USP47: variants seen among roughly 807,000 people sequenced by gnomAD.
USP47 encodes ubiquitin carboxyl-terminal hydrolase 47.
USP47 carries 35 observed loss-of-function variants against 165.1 expected under a neutral mutation model. That is an observed-to-expected ratio of 0.21 (90% CI 0.16 to 0.28). The LOEUF is 0.28. USP47 is among the 10% of genes least tolerant of loss of function. The probability of loss-of-function intolerance (pLI) is 1.00; values close to 1 mark genes in which losing one functional copy is unlikely to be tolerated. For missense variants in USP47, 1,277 were observed against 1,607.4 expected, an observed-to-expected ratio of 0.79 and a Z score of 3.52; for synonymous variants, 531 against 544.5, an observed-to-expected ratio of 0.98 and a Z score of 0.35.
chr11:11,890,242 AC>A (rs1851427110), intron 3 of USP47, among the ~76,000 whole-genome samples: 1 of 152,232 alleles, frequency 6.6e-6, no homozygotes, highest in South Asian at 2.1e-4. Context: ...AGCAAAAGAA[AC>A]TATCATCAGA....
chr11:11,934,440 C>T (rs543525833), intron 16 of USP47, among the ~76,000 whole-genome samples: 63 of 152,168 alleles, frequency 4.1e-4, no homozygotes, highest in African/African-American at 1.4e-3. Flanking sequence ...TATTTTGAAA[C>T]TTTAACCATG....
At position 11,884,918 on chromosome 11, in the gene USP47, T is replaced by C. The variant is rs188595650; in HGVS notation, c.357+338T>C. On this transcript the variant is annotated intron_variant, in intron 3 of 27. Transcript: ENST00000527733. The stretch of plus-strand genomic sequence containing the variant: ...TTTCAGTAGTGACCCTTCCTTTGTT[T>C]AAGCATTTGCTTGGTTGCTGTAAAT... 2.7e-3 allele frequency among the ~76,000 whole-genome samples: 404 copies of C among 152,318 alleles called. 3 individuals are homozygous for C. Among genetic ancestry groups the C allele is most frequent in the African/African-American group, 9.1e-3 (377 of 41,566 alleles).
rs923371231 is a variant in USP47 at position 11,929,686 on chromosome 11, C to T, written c.1518+121C>T. 3.7e-6 allele frequency: 5 copies of T among 1,356,290 alleles called. No homozygotes were observed. In the Admixed American group the frequency reaches 1.2e-4, roughly 33 times the overall value. The allele number at this position is 1,356,290 out of a possible 1,614,324, so 84.0% of individuals were successfully genotyped here. The stretch of plus-strand genomic sequence containing the variant: ...TAGTGATACATCTTAAGACCCATAT[C>T]AAATCTGTCTTTAATTTTTGCTTTT... On this transcript the variant is annotated intron_variant, in intron 12 of 27. Transcript: ENST00000527733.
intron 25 of USP47, among the ~76,000 whole-genome samples, chr11:11,953,348 T>G (rs1264447560): frequency 1.3e-5 from 2 of 152,194 alleles, no homozygotes; most frequent in Non-Finnish European, 2.9e-5. Context: ...GAAAAAGATT[T>G]ATTTCCATAC....
At chr11:11,846,006 C>CT (rs1848407507) in intron 1 of USP47, among the ~76,000 whole-genome samples, 1 of 152,076 alleles carries the variant, frequency 6.6e-6, no homozygotes, top group African/African-American at 2.4e-5. Context: ...TTCCTCAGTT[C>CT]TTTAACTGTT....
At chr11:11,917,926 A>G (rs756206679) in intron 8 of USP47, among the ~76,000 whole-genome samples, 1 of 152,188 alleles carries the variant, frequency 6.6e-6, no homozygotes, top group East Asian at 1.9e-4. Flanking sequence ...TGATTTAGGC[A>G]GGAATCTGTA....
At chr11:11,842,361 G>A (rs1038727386) in intron 1 of USP47, 137 bp downstream of exon 1, 8 of 1,000,420 alleles carry the variant, frequency 8.0e-6, no homozygotes, top group Admixed American at 2.9e-5. Flanking sequence ...GAGGCAGTCG[G>A]GGGTGGACGG....
intron 25 of USP47, among the ~76,000 whole-genome samples, chr11:11,953,406 TAAA>T (rs1000276223): frequency 2.4e-4 from 37 of 151,866 alleles, no homozygotes; most frequent in African/African-American, 8.7e-4. Flanking sequence ...AGTTTATATA[TAAA>T]AAAAGTAAAT....
chr11:11,933,710 G>A (rs1260377887), intron 15 of USP47, 121 bp from the exon 16 acceptor site: 24 of 637,108 alleles, frequency 3.8e-5, no homozygotes, highest in Non-Finnish European at 5.4e-6. Context: ...AGATAGAAGA[G>A]TGATCTCAAT....
chr11:11,937,072 G>C (rs1048086421), intron 17 of USP47, among the ~76,000 whole-genome samples: 4 of 151,622 alleles, frequency 2.6e-5, no homozygotes, highest in Non-Finnish European at 5.9e-5. Context: ...TCAGCACATT[G>C]AGTTTGTTAT....
At chr11:11,909,968 T>G (rs1351157179) in intron 8 of USP47, among the ~76,000 whole-genome samples, 1 of 152,168 alleles carries the variant, frequency 6.6e-6, no homozygotes, top group Non-Finnish European at 1.5e-5. Flanking sequence ...CAGAACTCAT[T>G]TGGGTGAAGC....
chr11:11,926,871 A>G (rs1451471002), intron 11 of USP47, among the ~76,000 whole-genome samples: 2 of 148,828 alleles, frequency 1.3e-5, no homozygotes, highest in South Asian at 2.1e-4. Context: ...GTTTCATTGC[A>G]TAAGTTTTGG....
At chr11:11,860,754 T>C in intron 1 of USP47, among the ~76,000 whole-genome samples, 1 of 152,182 alleles carries the variant, frequency 6.6e-6, no homozygotes, top group Non-Finnish European at 1.5e-5. Flanking sequence ...AAGGACGTAT[T>C]ATTTCGCCTC....
chr11:11,937,992 A>C (rs928022088), intron 17 of USP47, among the ~76,000 whole-genome samples: 2 of 151,988 alleles, frequency 1.3e-5, no homozygotes, highest in Admixed American at 6.6e-5. Flanking sequence ...CTTGGGATAT[A>C]GGAAATATTA....
chr11:11,881,169 C>A (rs1378848051), intron 2 of USP47, among the ~76,000 whole-genome samples: 1 of 152,066 alleles, frequency 6.6e-6, no homozygotes, highest in Non-Finnish European at 1.5e-5. Context: ...ATTAAACTTA[C>A]CATATTCAGT....
chr11:11,936,798 G>C (rs1855105088), intron 17 of USP47, among the ~76,000 whole-genome samples: 1 of 151,842 alleles, frequency 6.6e-6, no homozygotes, highest in Admixed American at 6.6e-5. Context: ...AATCATTCTG[G>C]ATGCTGTCAA....
At chr11:11,864,173 A>C (rs1220798150) in intron 1 of USP47, among the ~76,000 whole-genome samples, 1 of 152,020 alleles carries the variant, frequency 6.6e-6, no homozygotes, top group Non-Finnish European at 1.5e-5. Context: ...CAGTTAAAAA[A>C]ATTTTTTTGT....
At chr11:11,847,857 T>C (rs1050207669) in intron 1 of USP47, among the ~76,000 whole-genome samples, 1 of 152,216 alleles carries the variant, frequency 6.6e-6, no homozygotes, top group Non-Finnish European at 1.5e-5. Flanking sequence ...TACCCTCTGA[T>C]TGCAATTTGA....
intron 1 of USP47, among the ~76,000 whole-genome samples, chr11:11,867,696 A>C (rs1281399965): frequency 6.6e-6 from 1 of 152,188 alleles, no homozygotes; most frequent in Admixed American, 6.5e-5. Context: ...CCATGTTTAC[A>C]CACAGTGATT....
Sources: allele counts gnomAD v4.1 joint callset (sites outside exome capture counted in the v4.1 genomes callset), GRCh38; gene constraint gnomAD v4.1.1; transcripts MANE v1.5; gene names NCBI Gene and HGNC (gene_info 2026-07-23, HGNC 2026-07-21).